The following MYO10 variants were observed in gnomAD, a reference collection of about 807,000 sequenced individuals.
MYO10 encodes the protein unconventional myosin-X.
In MYO10, 133 loss-of-function variants were observed where a neutral mutation model predicts 257.3. That is an observed-to-expected ratio of 0.52 (90% CI 0.45 to 0.60). The LOEUF (loss-of-function observed/expected upper bound fraction) is 0.60, where lower values mean the gene tolerates loss of function less well. Ranked by LOEUF, MYO10 falls within the 20% of genes least tolerant of loss-of-function variation. The pLI, the probability that MYO10 is intolerant of heterozygous loss-of-function variation, is 0.00. For synonymous variants in MYO10, 1,104 were observed against 1,028.6 expected (o/e 1.07, Z -1.40); for missense variants, 2,399 against 2,635.7 (o/e 0.91, Z 1.97).
intron 2 of MYO10, among the ~76,000 whole-genome samples, chr5:16,862,325 T>C (rs1744130586): frequency 6.6e-6 from 1 of 152,176 alleles, no homozygotes; most frequent in Non-Finnish European, 1.5e-5. Context: ...TCACCATGTA[T>C]ATTACTATTT....
intron 1 of MYO10, among the ~76,000 whole-genome samples, chr5:16,926,833 G>A (rs1383934653): frequency 1.3e-5 from 2 of 151,964 alleles, no homozygotes; most frequent in Non-Finnish European, 2.9e-5. Context: ...GCTAAAATAT[G>A]GACAAAAAAA....
At chr5:16,771,547 TTTATTATTATTATTATTA>T (rs201265648) in intron 9 of MYO10, among the ~76,000 whole-genome samples, 595 of 136,892 alleles carry the variant, frequency 4.3e-3, no homozygotes, top group African/African-American at 0.014. Context: ...ACTATTATGA[TTTATTATTATTATTATTA>T]TTATTATTAT....
chr5:16,828,497 G>A (rs1449312370), intron 2 of MYO10, among the ~76,000 whole-genome samples: 5 of 151,764 alleles, frequency 3.3e-5, no homozygotes, highest in Non-Finnish European at 7.4e-5. Context: ...TCACATGCCT[G>A]TAATCCCAGT....
At chr5:16,736,363 G>A (rs1298216223) in intron 19 of MYO10, among the ~76,000 whole-genome samples, 1 of 152,184 alleles carries the variant, frequency 6.6e-6, no homozygotes, top group Non-Finnish European at 1.5e-5. Flanking sequence ...CAGATAGCAG[G>A]AGCAACTGAA....
chr5:16,693,361 AC>A (rs1432334811), intron 27 of MYO10, among the ~76,000 whole-genome samples: 1 of 152,096 alleles, frequency 6.6e-6, no homozygotes, highest in Non-Finnish European at 1.5e-5. Flanking sequence ...CTTGCTGTGA[AC>A]CCTTGCAGGA....
In MYO10 at chr5:16,772,698, A is replaced by C. The variant is rs182536348; in HGVS notation, c.931-3495T>G. Among the ~76,000 whole-genome samples, 9 of 152,362 alleles carry C rather than the reference A, an allele frequency of 5.9e-5. No individual in the cohort carries two copies. In the East Asian group the frequency reaches 1.5e-3, roughly 26 times the overall value. On this transcript the variant is annotated intron_variant, in intron 9 of 40. Coordinates refer to ENST00000513610, the MANE Select transcript of MYO10 (RefSeq NM_012334.3). ...TGGCAATAAATACTTTTACAACAAA[A>C]AATGAGACAATCAATGGGTGAATGG...
At chr5:16,732,609 C>T (rs984668399) in intron 19 of MYO10, among the ~76,000 whole-genome samples, 3 of 152,106 alleles carry the variant, frequency 2.0e-5, no homozygotes, top group African/African-American at 4.8e-5. Context: ...AGGCCCAAAT[C>T]GGTCATTAAA....
rs139841879 is a variant in MYO10, at chr5:16,852,878, C to A, written c.120+24731G>T. On this transcript the variant is annotated intron_variant, in intron 2 of 40. Transcript: ENST00000513610. Reference sequence around the variant, plus strand: ...CCCCACATAAACCTCATGGGAATTTCTTCCAGGAATTCCTCAAAAGCCTTT... The same window carrying A: ...CCCCACATAAACCTCATGGGAATTTATTCCAGGAATTCCTCAAAAGCCTTT... 6.2e-3 allele frequency among the ~76,000 whole-genome samples: 948 copies of A among 152,252 alleles called. 19 individuals are homozygous for A. Among genetic ancestry groups the A allele is most frequent in the African/African-American group, 0.021 (873 of 41,542 alleles).
Position 16,676,026 on chromosome 5 carries a change from C to T in MYO10, c.4666+5G>A. 1.9e-6 allele frequency: 3 copies of T among 1,606,184 alleles called. No homozygotes were observed. The highest frequency in any genetic ancestry group is 2.5e-6 in the Non-Finnish European group (3 of 1,177,278). ...TGAGGAGTCGGGGTGGAGCTCTGGA[C>T]TTACAGTTGAGATTTATGTCCCCAT... On this transcript the variant is annotated splice_donor_5th_base_variant and intron_variant, in intron 34 of 40. Coordinates refer to ENST00000513610, the MANE Select transcript of MYO10 (RefSeq NM_012334.3).
intron 2 of MYO10, among the ~76,000 whole-genome samples, chr5:16,876,219 T>C (rs13168047): frequency 0.18 from 27,431 of 152,234 alleles, 2,754 homozygotes; most frequent in Admixed American, 0.28. Flanking sequence ...TATGTACCTC[T>C]GAGGTAGAGG....
intron 4 of MYO10, among the ~76,000 whole-genome samples, chr5:16,786,262 T>C (rs1409846454): frequency 1.3e-5 from 2 of 152,196 alleles, no homozygotes; most frequent in Non-Finnish European, 2.9e-5. Context: ...CTCTTCAAAC[T>C]CTACAGCAGA....
chr5:16,703,404 C>T (rs974263329), intron 22 of MYO10, among the ~76,000 whole-genome samples: 1 of 152,144 alleles, frequency 6.6e-6, no homozygotes, highest in Non-Finnish European at 1.5e-5. Flanking sequence ...AAACACATAA[C>T]CCCTCATGTT....
At chr5:16,841,355 T>C (rs2126727233) in intron 2 of MYO10, among the ~76,000 whole-genome samples, 1 of 152,248 alleles carries the variant, frequency 6.6e-6, no homozygotes, top group Non-Finnish European at 1.5e-5. Context: ...AAAAGTTCTG[T>C]ACAAAAGGTC....
At chr5:16,800,116 C>T (rs1230963857) in intron 3 of MYO10, among the ~76,000 whole-genome samples, 3 of 152,170 alleles carry the variant, frequency 2.0e-5, no homozygotes, top group Non-Finnish European at 4.4e-5. Flanking sequence ...CAATGACCAG[C>T]ACAGCTCTGG....
rs760058971 is a variant in MYO10 at position 16,668,316 on chromosome 5, G to A, written c.6036C>T (p.Ile2012=). The stretch of plus-strand genomic sequence containing the variant: ...AGAGCAGCTCCCTCTCATCGACCAC[G>A]ATCTTATACGTATTCGCCAGGGGTG... ...FGAPLANTYK[I]VVDERELLFE... is the part of the protein sequence containing the mutation. The change falls in exon 40 of 41, where the codon ATC becomes ATT. Residue 2012 remains isoleucine (I), a synonymous_variant. Transcript: ENST00000513610. 1.3e-5 allele frequency: 21 copies of A among 1,613,564 alleles called. No homozygotes were observed. The highest frequency in any genetic ancestry group is 8.9e-5 in the East Asian group (4 of 44,870).
intron 19 of MYO10, among the ~76,000 whole-genome samples, chr5:16,723,103 G>A (rs1044425293): frequency 2.0e-5 from 3 of 152,278 alleles, no homozygotes; most frequent in Admixed American, 6.5e-5. Context: ...CAGGCCAGGC[G>A]TGGTGGCTCA....
In MYO10 at chr5:16,696,488, T is replaced by C. The variant is rs553209639; in HGVS notation, c.3557-1874A>G. Among the ~76,000 whole-genome samples the C allele has an allele frequency of 1.8e-4, 28 of 152,340 alleles. 2 individuals are homozygous for C. The South Asian group carries it at 5.8e-3, about 32-fold the overall frequency. ...CGAAAACTCACCCATTTAACTTCTT[T>C]GACCCTGATTTTAATACTTTGAATG... On this transcript the variant is annotated intron_variant, in intron 26 of 40. Transcript: ENST00000513610.
intron 25 of MYO10, among the ~76,000 whole-genome samples, chr5:16,699,974 C>G (rs1181376715): frequency 6.6e-6 from 1 of 152,126 alleles, no homozygotes; most frequent in Non-Finnish European, 1.5e-5. Flanking sequence ...TGCCCTAAAA[C>G]TAACAATGCT....
chr5:16,930,050 T>C (rs1011831471), intron 1 of MYO10, among the ~76,000 whole-genome samples: 3 of 152,192 alleles, frequency 2.0e-5, no homozygotes, highest in African/African-American at 7.2e-5. Context: ...TGATGAAACT[T>C]ACTTACAAAT....
Sources: allele counts gnomAD v4.1 joint callset (sites outside exome capture counted in the v4.1 genomes callset), GRCh38; gene constraint gnomAD v4.1.1; transcripts MANE v1.5; gene names NCBI Gene and HGNC (gene_info 2026-07-23, HGNC 2026-07-21).